Variants in PRAG1 observed in about 807,000 individuals in gnomAD.
PRAG1 encodes PEAK1 related, kinase-activating pseudokinase 1, also known as inactive tyrosine-protein kinase PRAG1.
PRAG1 carries 110 observed loss-of-function variants against 95.6 expected under a neutral mutation model. The observed-to-expected ratio is 1.15, with a 90% CI of 0.99 to 1.35. The LOEUF (loss-of-function observed/expected upper bound fraction) is 1.35, where lower values mean the gene tolerates loss of function less well. Ranked by LOEUF, PRAG1 falls within the 40% of genes most tolerant of loss-of-function variation. PRAG1 has a pLI of 0.00. For missense variants in PRAG1, 2,554 were observed against 1,864.7 expected, an observed-to-expected ratio of 1.37 and a Z score of -6.81; for synonymous variants, 1,052 against 819.4, an observed-to-expected ratio of 1.28 and a Z score of -4.85.
At chr8:8,382,423 C>A (rs568787629) in intron 1 of PRAG1, among the ~76,000 whole-genome samples, 2 of 152,256 alleles carry the variant, frequency 1.3e-5, no homozygotes, top group South Asian at 4.2e-4. Context: ...GCTGGCCTGT[C>A]CTCTAGACCT....
At position 8,377,114 on chromosome 8, in the gene PRAG1, T is replaced by A; in HGVS notation, c.1295A>T (p.Lys432Met). The change falls in exon 3 of 6, where the codon AAG (lysine) becomes ATG (methionine). Residue 432 changes from lysine (K) to methionine (M), a missense_variant. Coordinates refer to ENST00000615670, the MANE Select transcript of PRAG1 (RefSeq NM_001080826.3). Reference sequence around the variant, plus strand: ...CTGGGCAGCAGCTGCATGTTCTATCTTGGCCTGTGACTTGGAAGGCACCGG... The same window carrying A: ...CTGGGCAGCAGCTGCATGTTCTATCATGGCCTGTGACTTGGAAGGCACCGG... ...AAPVPSKSQA[K>M]IEHAAAAQGQ... 1 of 1,613,416 alleles carries A rather than the reference T, an allele frequency of 6.2e-7. No individual in the cohort carries two copies. The highest frequency in any genetic ancestry group is 8.5e-7 in the Non-Finnish European group (1 of 1,180,002).
chr8:8,354,493 A>G (rs1037200341), intron 3 of PRAG1, among the ~76,000 whole-genome samples: 1 of 152,200 alleles, frequency 6.6e-6, no homozygotes, highest in African/African-American at 2.4e-5. Flanking sequence ...AAGAAAAAGT[A>G]CAGGCCAATA....
chr8:8,381,842 G>A lies in PRAG1; in HGVS notation c.-87-8C>T. Reference sequence around the variant, plus strand: ...GGGTCACAGAGCGGCTTCCTAGAAAGGCAGGACAGTTTCCTGATTAGAGAT... The same window carrying A: ...GGGTCACAGAGCGGCTTCCTAGAAAAGCAGGACAGTTTCCTGATTAGAGAT... On this transcript the variant is annotated splice_polypyrimidine_tract_variant and splice_region_variant and intron_variant, in intron 1 of 5. Coordinates refer to ENST00000615670, the MANE Select transcript of PRAG1 (RefSeq NM_001080826.3). The A allele has an allele frequency of 1.0e-6, 1 of 976,350 alleles. No homozygotes were observed. The highest frequency in any genetic ancestry group is 1.5e-6 in the Non-Finnish European group (1 of 674,718). The allele number at this position is 976,350 out of a possible 1,614,324, so 60.5% of individuals were successfully genotyped here. A position where few individuals can be genotyped will look rare whatever the true frequency, so the allele number is the denominator to read the frequency against.
intron 3 of PRAG1, among the ~76,000 whole-genome samples, chr8:8,362,555 G>A (rs984061494): frequency 1.3e-5 from 2 of 152,216 alleles, no homozygotes; most frequent in Non-Finnish European, 2.9e-5. Context: ...CCTCCCCTAG[G>A]AGAAAGATCA....
Position 8,376,294 on chromosome 8 carries a change from T to G in PRAG1, c.2115A>C (p.Arg705Ser). 6.2e-7 allele frequency: 1 copy of G among 1,614,204 alleles called. No homozygotes were observed. Among genetic ancestry groups the G allele is most frequent in the Non-Finnish European group, 8.5e-7 (1 of 1,180,034 alleles). ...ASFAFEFPKD[R>S]SGIETFSPPP... ...GAGGTGAGAATGTCTCAATCCCACT[T>G]CTGTCCTTGGGGAACTCAAAGGCAA... Residue 705 changes from arginine (R) to serine (S), a missense_variant, in exon 3 of 6, where the codon AGA (arginine) becomes AGC (serine). Physicochemically the swap from Arg to Ser is moderately radical, Grantham distance 110. Coordinates refer to ENST00000615670, the MANE Select transcript of PRAG1 (RefSeq NM_001080826.3).
chr8:8,338,265 C>T (rs66469655), intron 4 of PRAG1, among the ~76,000 whole-genome samples: 17,253 of 152,212 alleles, frequency 0.11, 1,073 homozygotes, highest in African/African-American at 0.13. Context: ...TGCGAGTGGA[C>T]GTCATGGTTT....
chr8:8,383,453 T>C (rs1800750506), intron 1 of PRAG1, among the ~76,000 whole-genome samples: 1 of 152,018 alleles, frequency 6.6e-6, no homozygotes, highest in South Asian at 2.1e-4. Flanking sequence ...TAGCCATGCA[T>C]GCCTGTGGTC....
intron 3 of PRAG1, among the ~76,000 whole-genome samples, chr8:8,352,290 C>A (rs1386552066): frequency 1.3e-5 from 2 of 152,212 alleles, no homozygotes; most frequent in Non-Finnish European, 2.9e-5. Flanking sequence ...TTATCTGCAT[C>A]TCAACAGGTC....
intron 5 of PRAG1, among the ~76,000 whole-genome samples, chr8:8,321,314 G>C (rs149586003): frequency 0.023 from 3,490 of 152,224 alleles, 106 homozygotes; most frequent in African/African-American, 0.071. Flanking sequence ...TGAACTCCTG[G>C]GCTCAAGTGA....
intron 3 of PRAG1, among the ~76,000 whole-genome samples, chr8:8,353,435 A>G (rs768951663): frequency 1.3e-5 from 2 of 152,220 alleles, no homozygotes; most frequent in African/African-American, 4.8e-5. Context: ...GTAATAATGA[A>G]ACAACATGCT....
At position 8,376,593 on chromosome 8, in the gene PRAG1, T is replaced by G; in HGVS notation, c.1816A>C (p.Ile606Leu). 1 of 1,605,040 alleles carries G rather than the reference T, an allele frequency of 6.2e-7. No homozygotes were observed. The highest frequency in any genetic ancestry group is 2.2e-5 in the East Asian group (1 of 44,696). Reference protein sequence around the residue: ...APSCRTNGVAISDPSRCPQPA... With the variant: ...APSCRTNGVALSDPSRCPQPA... The stretch of plus-strand genomic sequence containing the variant: ...TGGGGACACCTGGATGGGTCACTGA[T>G]AGCGACACCGTTGGTCCGGCAGGAA... Residue 606 changes from isoleucine (I) to leucine (L), a missense_variant, in exon 3 of 6, where the codon ATC (isoleucine) becomes CTC (leucine). Ile to Leu is a conservative substitution (Grantham distance 5). Transcript: ENST00000615670.
chr8:8,352,192 T>C (rs969402929), intron 3 of PRAG1, among the ~76,000 whole-genome samples: 1 of 152,206 alleles, frequency 6.6e-6, no homozygotes, highest in Non-Finnish European at 1.5e-5. Flanking sequence ...TACTTCCCCA[T>C]TCTTCACGCT....
Position 8,377,090 on chromosome 8 carries a change from T to C in PRAG1, c.1319A>G (p.Gln440Arg), listed in dbSNP as rs1800434616. 3.1e-6 allele frequency: 5 copies of C among 1,613,804 alleles called. No individual in the cohort carries two copies. Among genetic ancestry groups the C allele is most frequent in the Non-Finnish European group, 4.2e-6 (5 of 1,180,018 alleles). ...ACCTGTGCATACCTGGCCTTGGCCC[T>C]GGGCAGCAGCTGCATGTTCTATCTT... ...QAKIEHAAAAQGQGQVCTGNA... is the reference protein window; with the variant it reads ...QAKIEHAAAARGQGQVCTGNA... Residue 440 changes from glutamine (Q) to arginine (R), a missense_variant, in exon 3 of 6, where the codon CAG becomes CGG. Physicochemically the swap from Gln to Arg is conservative, Grantham distance 43. Transcript: ENST00000615670.
chr8:8,318,782 G>T lies in PRAG1; in HGVS notation c.3593C>A (p.Pro1198His). Reference protein sequence around the residue: ...AGGTLSPAAGPASPEGPREKQ... With the variant: ...AGGTLSPAAGHASPEGPREKQ... Reference sequence around the variant, plus strand: ...CTCCCGGGGCCCTTCCGGGGAGGCGGGGCCGGCTGCGGGGCTGAGAGTGCC... The same window carrying T: ...CTCCCGGGGCCCTTCCGGGGAGGCGTGGCCGGCTGCGGGGCTGAGAGTGCC... The change falls in exon 6 of 6, where the codon CCC becomes CAC. Residue 1198 changes from proline to histidine, a missense_variant. Pro to His is a moderately conservative substitution (Grantham distance 77). Transcript: ENST00000615670. This position sits in a 1 kb window ranked among gnomAD's most constrained non-coding sequence, Gnocchi z 4.2. 1 of 1,540,570 alleles carries T rather than the reference G, an allele frequency of 6.5e-7. No homozygotes were observed. Among genetic ancestry groups the T allele is most frequent in the Non-Finnish European group, 8.8e-7 (1 of 1,142,498 alleles).
intron 3 of PRAG1, among the ~76,000 whole-genome samples, chr8:8,369,376 A>G (rs1200455326): frequency 1.2e-4 from 18 of 152,220 alleles, no homozygotes; most frequent in Admixed American, 1.2e-3. Flanking sequence ...CAAAAGATAC[A>G]CTGTGTTAAC....
intron 1 of PRAG1, among the ~76,000 whole-genome samples, chr8:8,382,998 C>T (rs1210297461): frequency 6.6e-6 from 1 of 152,154 alleles, no homozygotes; most frequent in African/African-American, 2.4e-5. Context: ...TGTTCAAGAG[C>T]AAAATCTTCC....
At chr8:8,336,919 C>A (rs1022035154) in intron 4 of PRAG1, among the ~76,000 whole-genome samples, 3 of 146,866 alleles carry the variant, frequency 2.0e-5, no homozygotes, top group South Asian at 2.3e-4. Context: ...CCCCCCTCCC[C>A]CCACCTCCGA....
At chr8:8,358,172 G>C (rs1295895851) in intron 3 of PRAG1, among the ~76,000 whole-genome samples, 1 of 152,156 alleles carries the variant, frequency 6.6e-6, no homozygotes, top group African/African-American at 2.4e-5. Context: ...TGTTAGAGCT[G>C]CACATAGAAC....
At chr8:8,338,617 C>T (rs1330014445) in intron 4 of PRAG1, among the ~76,000 whole-genome samples, 2 of 152,210 alleles carry the variant, frequency 1.3e-5, no homozygotes, top group Non-Finnish European at 2.9e-5. Flanking sequence ...GGTTTCTCAT[C>T]AGAACACACC....
Sources: gnomAD v4.1 joint callset for allele counts (sites outside exome capture counted in the v4.1 genomes callset) on GRCh38, gnomAD v4.1.1 for gene constraint, Gnocchi (gnomAD v3.1) non-coding constraint, MANE v1.5 for transcripts, NCBI Gene and HGNC (gene_info 2026-07-23, HGNC 2026-07-21) for gene names.